CNOT4: variants seen among roughly 807,000 people sequenced by gnomAD.
CNOT4 encodes the protein CCR4-associated factor 4.
A neutral mutation model predicts 73.8 loss-of-function variants in CNOT4; 8 were observed. The ratio of observed to expected loss-of-function variants is 0.11; its 90% CI spans 0.06 to 0.20. The LOEUF is 0.20. Among genes scored for constraint, CNOT4 ranks in the 10% least tolerant of loss-of-function variants. The probability of loss-of-function intolerance (pLI) is 1.00; values close to 1 mark genes in which losing one functional copy is unlikely to be tolerated. For synonymous variants in CNOT4, 293 were observed against 321.1 expected (o/e 0.91, Z 0.94); for missense variants, 564 against 883.4 (o/e 0.64, Z 4.58).
intron 2 of CNOT4, among the ~76,000 whole-genome samples, chr7:135,425,968 C>G (rs1255875151): frequency 6.6e-6 from 1 of 151,992 alleles, no homozygotes; most frequent in East Asian, 1.9e-4. Context: ...TGGCTCACAC[C>G]TGTAATTCCA....
chr7:135,495,504 CAAA>C (rs150007748), intron 1 of CNOT4, among the ~76,000 whole-genome samples: 6 of 54,712 alleles, frequency 1.1e-4, no homozygotes, highest in African/African-American at 3.1e-4. Flanking sequence ...GACTCTGCCT[CAAA>C]AAAAAAAAAA....
intron 1 of CNOT4, among the ~76,000 whole-genome samples, chr7:135,486,930 G>A (rs1295103738): frequency 6.6e-6 from 1 of 152,036 alleles, no homozygotes; most frequent in Non-Finnish European, 1.5e-5. Context: ...AATAAAAAAG[G>A]TAAAGAGTAC....
chr7:135,504,456 C>T (rs1804204654), intron 1 of CNOT4, among the ~76,000 whole-genome samples: 1 of 132,462 alleles, frequency 7.5e-6, no homozygotes. Context: ...CCACCACATC[C>T]GGCTAATTTT....
chr7:135,440,862 C>T (rs541933837), intron 1 of CNOT4, among the ~76,000 whole-genome samples: 68 of 150,490 alleles, frequency 4.5e-4, no homozygotes, highest in Non-Finnish European at 8.7e-4. Flanking sequence ...GAGGTGGCAG[C>T]GAGCCGAGAT....
At chr7:135,406,197 C>T (rs1797270845) in intron 7 of CNOT4, among the ~76,000 whole-genome samples, 1 of 152,048 alleles carries the variant, frequency 6.6e-6, no homozygotes, top group Non-Finnish European at 1.5e-5. Flanking sequence ...AGACCTTTCG[C>T]TATGACTGAC....
chr7:135,433,137 C>T (rs1049395613), intron 2 of CNOT4, among the ~76,000 whole-genome samples: 4 of 152,094 alleles, frequency 2.6e-5, no homozygotes, highest in Non-Finnish European at 4.4e-5. Context: ...TCCTAGAGCA[C>T]TTAATTGTTT....
intron 3 of CNOT4, among the ~76,000 whole-genome samples, chr7:135,419,750 C>G (rs1312738495): frequency 1.3e-5 from 2 of 151,936 alleles, no homozygotes; most frequent in South Asian, 4.1e-4. Context: ...TAAGAAATCT[C>G]TGTAAGTAAA....
intron 1 of CNOT4, among the ~76,000 whole-genome samples, chr7:135,484,745 ACT>A (rs1196437715): frequency 6.7e-6 from 1 of 149,740 alleles, no homozygotes; most frequent in Non-Finnish European, 1.5e-5. Context: ...AGAGAGTGAG[ACT>A]CTGTCTCAAA....
chr7:135,496,952 G>A (rs2129487981), intron 1 of CNOT4, among the ~76,000 whole-genome samples: 1 of 151,494 alleles, frequency 6.6e-6, no homozygotes, highest in East Asian at 2.0e-4. Flanking sequence ...GACTACATGA[G>A]TGCACCACCA....
At chr7:135,473,510 G>A (rs1801775699) in intron 1 of CNOT4, among the ~76,000 whole-genome samples, 1 of 152,208 alleles carries the variant, frequency 6.6e-6, no homozygotes, top group Non-Finnish European at 1.5e-5. Context: ...CATTTTGGAA[G>A]GCGAGGCAGG....
At position 135,363,752 on chromosome 7, in the gene CNOT4, G is replaced by T; in HGVS notation, c.1840+102C>A. Reference sequence around the variant, plus strand: ...CAAGCCACTCCACACTTGCGGCTTTGTGAAAAGCAGCTTATGTTGAAGAGA... The same window carrying T: ...CAAGCCACTCCACACTTGCGGCTTTTTGAAAAGCAGCTTATGTTGAAGAGA... On this transcript the variant is annotated intron_variant, in intron 11 of 11. Coordinates refer to ENST00000541284, the MANE Select transcript of CNOT4 (RefSeq NM_001190850.2). The surrounding 1 kb of genome is among the most constrained non-coding windows in gnomAD (Gnocchi z 4.3). 1.0e-6 allele frequency: 1 copy of T among 969,150 alleles called. No individual in the cohort carries two copies. The highest frequency in any genetic ancestry group is 1.5e-6 in the Non-Finnish European group (1 of 658,612). The allele number at this position is 969,150 out of a possible 1,614,324, so 60.0% of individuals were successfully genotyped here.
At chr7:135,379,393 T>G (rs1213181055) in intron 10 of CNOT4, among the ~76,000 whole-genome samples, 2 of 152,196 alleles carry the variant, frequency 1.3e-5, no homozygotes, top group Admixed American at 6.5e-5. Context: ...AATCAAGATA[T>G]GTTACACTTG....
chr7:135,507,445 C>G (rs974614976), intron 1 of CNOT4, among the ~76,000 whole-genome samples: 1 of 152,104 alleles, frequency 6.6e-6, no homozygotes, highest in Admixed American at 6.5e-5. Context: ...TATTTCCTAT[C>G]AAAATGTTAA....
chr7:135,480,143 T>G (rs943074625), intron 1 of CNOT4, among the ~76,000 whole-genome samples: 7 of 152,210 alleles, frequency 4.6e-5, no homozygotes, highest in African/African-American at 1.2e-4. Context: ...GTGTTATTAT[T>G]ATGCTGATTT....
chr7:135,473,992 T>C (rs1801816060), intron 1 of CNOT4, among the ~76,000 whole-genome samples: 1 of 151,194 alleles, frequency 6.6e-6, no homozygotes, highest in Non-Finnish European at 1.5e-5. Flanking sequence ...GTTTTTTTTT[T>C]TTTTTGAGAC....
chr7:135,509,898 T>A lies in CNOT4; in HGVS notation c.-102A>T. ...CCCCGCATAGACTCACCCGCCTGCC[T>A]TGCCTCGCTTTTCCCTCAGCCGACT... On this transcript the variant is annotated 5_prime_UTR_variant, in exon 1 of 12. The change creates a new upstream start codon in the 5' untranslated region. Coordinates refer to ENST00000541284, the MANE Select transcript of CNOT4 (RefSeq NM_001190850.2). 2.5e-6 allele frequency: 1 copy of A among 396,138 alleles called. No homozygotes were observed. Among genetic ancestry groups the A allele is most frequent in the Non-Finnish European group, 4.4e-6 (1 of 224,816 alleles). The allele number at this position is 396,138 out of a possible 1,614,324, so 24.5% of individuals were successfully genotyped here. A position where few individuals can be genotyped will look rare whatever the true frequency, so the allele number is the denominator to read the frequency against.
At chr7:135,485,822 T>A (rs1802685292) in intron 1 of CNOT4, among the ~76,000 whole-genome samples, 1 of 152,158 alleles carries the variant, frequency 6.6e-6, no homozygotes, top group African/African-American at 2.4e-5. Context: ...CGTAAAAGTA[T>A]AAAACTTTTA....
At chr7:135,404,508 G>A (rs1797173281) in intron 7 of CNOT4, among the ~76,000 whole-genome samples, 1 of 152,118 alleles carries the variant, frequency 6.6e-6, no homozygotes, top group South Asian at 2.1e-4. Context: ...CAAATATCCT[G>A]AGGCCTATTC....
intron 10 of CNOT4, chr7:135,387,294 T>C (rs1362132186): frequency 1.0e-6 from 1 of 985,168 alleles, no homozygotes; most frequent in African/African-American, 1.7e-5. Flanking sequence ...GGCTAGACAA[T>C]TCGCTGCTTC....
Sources: gnomAD v4.1 joint callset for allele counts (sites outside exome capture counted in the v4.1 genomes callset) on GRCh38, gnomAD v4.1.1 for gene constraint, Gnocchi (gnomAD v3.1) non-coding constraint, MANE v1.5 for transcripts, NCBI Gene and HGNC (gene_info 2026-07-23, HGNC 2026-07-21) for gene names.